The following TMEM156 variants were observed in gnomAD, a reference collection of about 807,000 sequenced individuals.
TMEM156 encodes transmembrane protein 156.
A neutral mutation model predicts 30.5 loss-of-function variants in TMEM156; 28 were observed. The observed-to-expected ratio is 0.92, with a 90% confidence interval of 0.68 to 1.26. The LOEUF (loss-of-function observed/expected upper bound fraction) is 1.26, where lower values mean the gene tolerates loss of function less well. Ranked by LOEUF, TMEM156 falls within the 50% of genes most tolerant of loss-of-function variation. TMEM156 has a pLI of 0.00. For missense variants in TMEM156, 351 were observed against 340.6 expected (o/e 1.03, Z -0.24); for synonymous variants, 137 against 119.9 (o/e 1.14, Z -0.93).
intron 3 of TMEM156, among the ~76,000 whole-genome samples, chr4:38,990,352 A>C (rs1375247557): frequency 6.6e-6 from 1 of 152,154 alleles, no homozygotes; most frequent in African/African-American, 2.4e-5. Context: ...AGCCTCCCCA[A>C]GACTATTCCA....
chr4:38,985,051 T>C (rs1444436752), intron 5 of TMEM156, among the ~76,000 whole-genome samples: 1 of 152,116 alleles, frequency 6.6e-6, no homozygotes, highest in Admixed American at 6.5e-5. Flanking sequence ...AAATTACGAC[T>C]TGAAAACAGA....
intron 5 of TMEM156, among the ~76,000 whole-genome samples, chr4:38,985,766 G>A (rs1215588342): frequency 6.6e-6 from 1 of 152,262 alleles, no homozygotes; most frequent in Non-Finnish European, 1.5e-5. Context: ...TCTTTTTAAC[G>A]TGATTTGACA....
chr4:38,993,240 G>A (rs1446438715), intron 3 of TMEM156, among the ~76,000 whole-genome samples: 1 of 151,870 alleles, frequency 6.6e-6, no homozygotes, highest in African/African-American at 2.4e-5. Flanking sequence ...GACCAGCCTG[G>A]GCAACATGAC....
At chr4:38,980,429 A>C (rs963511752) in intron 5 of TMEM156, among the ~76,000 whole-genome samples, 10 of 152,212 alleles carry the variant, frequency 6.6e-5, no homozygotes, top group African/African-American at 2.4e-4. Context: ...CAGTCAATGT[A>C]GAGTTGTATT....
chr4:38,976,020 C>T (rs1181111854), intron 5 of TMEM156, among the ~76,000 whole-genome samples: 3 of 151,954 alleles, frequency 2.0e-5, no homozygotes, highest in African/African-American at 7.2e-5. Flanking sequence ...GGCGCAGTGG[C>T]TCACGACTGT....
At chr4:38,974,925 G>T (rs1055690370) in intron 5 of TMEM156, among the ~76,000 whole-genome samples, 1 of 151,714 alleles carries the variant, frequency 6.6e-6, no homozygotes, top group Non-Finnish European at 1.5e-5. Flanking sequence ...CGCCCACCTC[G>T]GCCTCCCAAA....
At chr4:39,018,253 A>G (rs1183091036) in intron 1 of TMEM156, among the ~76,000 whole-genome samples, 1 of 152,220 alleles carries the variant, frequency 6.6e-6, no homozygotes, top group African/African-American at 2.4e-5. Flanking sequence ...CAAGGGTCTT[A>G]GGATACTTTA....
chr4:38,996,890 T>C (rs1712972775), intron 2 of TMEM156, among the ~76,000 whole-genome samples: 1 of 151,984 alleles, frequency 6.6e-6, no homozygotes, highest in African/African-American at 2.4e-5. Context: ...AAAAGTAAAC[T>C]AGATAGATAG....
At chr4:39,013,947 T>C (rs1332577358) in intron 1 of TMEM156, among the ~76,000 whole-genome samples, 4 of 152,200 alleles carry the variant, frequency 2.6e-5, no homozygotes. Flanking sequence ...GTAAATGTTT[T>C]AGCCTTTGTG....
At chr4:39,007,660 T>C (rs1397146814) in intron 1 of TMEM156, among the ~76,000 whole-genome samples, 2 of 152,078 alleles carry the variant, frequency 1.3e-5, no homozygotes, top group African/African-American at 4.8e-5. Context: ...GGTTTCACCA[T>C]GTTGGCCAGG....
At chr4:38,968,379 G>A (rs1722442919) in intron 6 of TMEM156, among the ~76,000 whole-genome samples, 1 of 152,038 alleles carries the variant, frequency 6.6e-6, no homozygotes, top group African/African-American at 2.4e-5. Flanking sequence ...TCTCTCTATC[G>A]TGCTCCCCAA....
chr4:39,015,360 G>C (rs970457326), intron 1 of TMEM156, among the ~76,000 whole-genome samples: 1 of 152,194 alleles, frequency 6.6e-6, no homozygotes, highest in Non-Finnish European at 1.5e-5. Flanking sequence ...GGTGGATCCA[G>C]TGTAATCATG....
At chr4:38,987,547 C>T (rs1712091318) in intron 4 of TMEM156, among the ~76,000 whole-genome samples, 1 of 152,216 alleles carries the variant, frequency 6.6e-6, no homozygotes, top group Non-Finnish European at 1.5e-5. Flanking sequence ...AACCTGGAGG[C>T]AACCACTTGT....
At chr4:39,006,274 T>G (rs1276183781) in intron 1 of TMEM156, among the ~76,000 whole-genome samples, 2 of 152,204 alleles carry the variant, frequency 1.3e-5, no homozygotes, top group Non-Finnish European at 2.9e-5. Flanking sequence ...AATCTCATCA[T>G]GGTTTTAATG....
intron 1 of TMEM156, among the ~76,000 whole-genome samples, chr4:39,000,346 C>G (rs1253251474): frequency 6.6e-6 from 1 of 152,122 alleles, no homozygotes; most frequent in Admixed American, 6.6e-5. Context: ...GAACCATGAT[C>G]ACACCACTGC....
chr4:38,995,245 C>T (rs1399885024), intron 2 of TMEM156, among the ~76,000 whole-genome samples: 2 of 152,136 alleles, frequency 1.3e-5, no homozygotes, highest in Non-Finnish European at 1.5e-5. Flanking sequence ...CTACAATGAC[C>T]GTATTTCCAA....
intron 3 of TMEM156, among the ~76,000 whole-genome samples, chr4:38,992,699 TA>T (rs1301872002): frequency 2.0e-4 from 10 of 49,100 alleles, no homozygotes; most frequent in Admixed American, 1.1e-3. Context: ...ATATATTATA[TA>T]ATATATATAT....
intron 5 of TMEM156, among the ~76,000 whole-genome samples, chr4:38,985,273 A>G (rs1265820780): frequency 6.6e-6 from 1 of 152,214 alleles, no homozygotes; most frequent in Non-Finnish European, 1.5e-5. Context: ...ATTTCCACCA[A>G]CTTACCCCAC....
rs1712216847 is a variant in TMEM156 at position 38,988,932 on chromosome 4, C to A, written c.658G>T (p.Val220Phe). 3 of 1,612,502 alleles carry A rather than the reference C, an allele frequency of 1.9e-6. No homozygotes were observed. Among genetic ancestry groups the A allele is most frequent in the Non-Finnish European group, 2.5e-6 (3 of 1,178,744 alleles). Residue 220 changes from valine to phenylalanine, a missense_variant, in exon 4 of 7, where the codon GTT becomes TTT. Val to Phe is a conservative substitution (Grantham distance 50). Coordinates refer to ENST00000381938, the MANE Select transcript of TMEM156 (RefSeq NM_024943.3). Reference protein sequence around the residue: ...CSMKITWYILVLLVFIFLIIL... With the variant: ...CSMKITWYILFLLVFIFLIIL... ...ATCAAAAATATAAAAACTAATAGAA[C>A]TAAAATATACCAAGTGATCTTCATG...
Sources: allele counts gnomAD v4.1 joint callset (sites outside exome capture counted in the v4.1 genomes callset), GRCh38; gene constraint gnomAD v4.1.1; transcripts MANE v1.5; gene names NCBI Gene and HGNC (gene_info 2026-07-23, HGNC 2026-07-21).